The following KLF11 variants were observed in gnomAD, a reference collection of about 807,000 sequenced individuals.
KLF11 encodes Krueppel-like factor 11.
Under a neutral mutation model 29.9 loss-of-function variants are expected in KLF11, and 26 were observed. The ratio of observed to expected loss-of-function variants is 0.87; its 90% CI spans 0.64 to 1.21. The LOEUF is 1.21. KLF11 is among the 50% of genes most tolerant of loss of function. The pLI is 0.00. For missense variants in KLF11, 778 were observed against 665.7 expected, an observed-to-expected ratio of 1.17 and a Z score of -1.86; for synonymous variants, 318 against 257.4, an observed-to-expected ratio of 1.24 and a Z score of -2.25.
At chr2:10,043,827 G>A in intron 1 of KLF11, 69 bp downstream of exon 1, 17 of 1,295,534 alleles carry the variant, frequency 1.3e-5, no homozygotes, top group Non-Finnish European at 1.6e-5. Flanking sequence ...AAGTGGTGCG[G>A]CACTCGCGCG....
chr2:10,048,739 C>A, intron 3 of KLF11, 144 bp downstream of exon 3: 1 of 719,234 alleles, frequency 1.4e-6, no homozygotes, highest in Non-Finnish European at 2.5e-6. Flanking sequence ...CTGAAAAGCC[C>A]GCACAACCTT....
chr2:10,049,908 CT>C (rs1252145416), intron 3 of KLF11, among the ~76,000 whole-genome samples: 1 of 152,194 alleles, frequency 6.6e-6, no homozygotes, highest in Non-Finnish European at 1.5e-5. Flanking sequence ...CTGCCTGCCT[CT>C]TTTAATGGGC....
Position 10,046,420 on chromosome 2 carries a change from G to T in KLF11, c.312+1G>T. On this transcript the variant is annotated splice_donor_variant, in intron 2 of 3. Transcript: ENST00000305883. LOFTEE classifies it high-confidence loss of function. ...AGACTTCCATTCTTTATCGACTCTG[G>T]TAAGAGGAGGTGGGAGGGAGGAGCG... 1 of 1,613,698 alleles carries T rather than the reference G, an allele frequency of 6.2e-7. No homozygotes were observed. The highest frequency in any genetic ancestry group is 8.5e-7 in the Non-Finnish European group (1 of 1,180,042).
Position 10,047,565 on chromosome 2 carries a change from G to A in KLF11, c.313-85G>A. ...GTTAACTGAGTGTCTAGATGATTCT[G>A]TGTAAAGGTATTGGGAGCATTGTGA... On this transcript the variant is annotated intron_variant, in intron 2 of 3. Coordinates refer to ENST00000305883, the MANE Select transcript of KLF11 (RefSeq NM_003597.5). The A allele has an allele frequency of 3.5e-6, 4 of 1,155,176 alleles. No homozygotes were observed. The African/African-American group carries it at 6.1e-5, about 18-fold the overall frequency. 71.6% of individuals were successfully genotyped at this position (1,155,176 alleles called of 1,614,324 possible).
At chr2:10,044,357 G>A (rs1661111001) in intron 1 of KLF11, 2 of 985,546 alleles carry the variant, frequency 2.0e-6, no homozygotes, top group South Asian at 4.7e-5. Flanking sequence ...GTCGCGACCT[G>A]GGGGCTTCGG....
In KLF11 at chr2:10,045,440, T is replaced by G. The variant is rs574083176; in HGVS notation, c.43-710T>G. On this transcript the variant is annotated intron_variant, in intron 1 of 3. Transcript: ENST00000305883. ...CCAAGTGTGGTGGCGGGCACTGCAG[T>G]GAGCCGAGATTGTGCCACTGCACTC... Among the ~76,000 whole-genome samples the G allele has an allele frequency of 2.0e-5, 3 of 151,594 alleles. No individual in the cohort carries two copies. The South Asian group carries it at 6.3e-4, about 32-fold the overall frequency.
At chr2:10,045,791 C>T (rs927544195) in intron 1 of KLF11, among the ~76,000 whole-genome samples, 5 of 152,246 alleles carry the variant, frequency 3.3e-5, no homozygotes, top group African/African-American at 9.6e-5. Flanking sequence ...AGTGTTGGCT[C>T]CTCCTCCCTG....
rs372827624 is a variant in KLF11, at chr2:10,043,621, T to TGCC, written c.-80_-78dup. ...CGTGCCGGCCGCAGGAGCTCCGGGT[T>TGCC]GCCGCCGCCGCCGCCGCCCGCAGCC... On this transcript the variant is annotated 5_prime_UTR_variant, in exon 1 of 4. Transcript: ENST00000305883. 9,510 of 867,530 alleles carry TGCC rather than the reference T, an allele frequency of 0.011. 53 individuals are homozygous for TGCC. The highest frequency in any genetic ancestry group is 0.012 in the Non-Finnish European group (8,747 of 717,594). 53.7% of individuals were successfully genotyped at this position (867,530 alleles called of 1,614,324 possible). A position where few individuals can be genotyped will look rare whatever the true frequency, so the allele number is the denominator to read the frequency against.
Position 10,052,253 on chromosome 2 carries a change from G to A in KLF11, c.1285G>A (p.Asp429Asn). 1 of 1,614,132 alleles carries A rather than the reference G, an allele frequency of 6.2e-7. No individual in the cohort carries two copies. The highest frequency in any genetic ancestry group is 1.1e-5 in the South Asian group (1 of 91,076). ...TGEKPFNCSWDGCDKKFARSD... is the reference protein window; with the variant it reads ...TGEKPFNCSWNGCDKKFARSD... ...GGAGAAGCCTTTCAACTGCAGCTGGGATGGCTGTGATAAAAAGTTTGCTCG... is the reference window on the plus strand; with the variant it reads ...GGAGAAGCCTTTCAACTGCAGCTGGAATGGCTGTGATAAAAAGTTTGCTCG... The change falls in exon 4 of 4, where the codon GAT (aspartate) becomes AAT (asparagine). Residue 429 changes from aspartate to asparagine, a missense_variant. Transcript: ENST00000305883.
chr2:10,049,417 A>G (rs1661336881), intron 3 of KLF11, among the ~76,000 whole-genome samples: 1 of 152,180 alleles, frequency 6.6e-6, no homozygotes, highest in African/African-American at 2.4e-5. Flanking sequence ...TGTTGCTCTG[A>G]TCGTGGTAGC....
chr2:10,049,715 G>A (rs573099144), intron 3 of KLF11, among the ~76,000 whole-genome samples: 1 of 152,290 alleles, frequency 6.6e-6, no homozygotes, highest in South Asian at 2.1e-4. Flanking sequence ...TGACCCTAGT[G>A]GTTTATTGTA....
rs1333884392 is a variant in KLF11 at position 10,044,362 on chromosome 2, C to T, written c.42+604C>T. ...GGCCCTAAGCGTCGCGACCTGGGGG[C>T]TTCGGGGAGGTAGCCGTGGACGTGG... On this transcript the variant is annotated intron_variant, in intron 1 of 3. Transcript: ENST00000305883. 15 of 985,686 alleles carry T rather than the reference C, an allele frequency of 1.5e-5. No individual in the cohort carries two copies. The East Asian group carries it at 1.4e-3, about 89-fold the overall frequency. 61.1% of individuals were successfully genotyped at this position (985,686 alleles called of 1,614,324 possible). A position where few individuals can be genotyped will look rare whatever the true frequency, so the allele number is the denominator to read the frequency against.
Position 10,053,064 on chromosome 2 carries a change from G to T in KLF11, c.*557G>T, listed in dbSNP as rs1661455991. On this transcript the variant is annotated 3_prime_UTR_variant, in exon 4 of 4. Coordinates refer to ENST00000305883, the MANE Select transcript of KLF11 (RefSeq NM_003597.5). Reference sequence around the variant, plus strand: ...GGCCTTTTAGATCTTTTTGGAATCGGACCTGGTTGAGTAAGGACCTCTTAA... The same window carrying T: ...GGCCTTTTAGATCTTTTTGGAATCGTACCTGGTTGAGTAAGGACCTCTTAA... 2.5e-6 allele frequency: 1 copy of T among 395,126 alleles called. No homozygotes were observed. The highest frequency in any genetic ancestry group is 4.5e-6 in the Non-Finnish European group (1 of 224,580). The allele number at this position is 395,126 out of a possible 1,614,324, so 24.5% of individuals were successfully genotyped here. A position where few individuals can be genotyped will look rare whatever the true frequency, so the allele number is the denominator to read the frequency against.
At position 10,052,665 on chromosome 2, in the gene KLF11, C is replaced by T; in HGVS notation, c.*158C>T. 1 of 715,518 alleles carries T rather than the reference C, an allele frequency of 1.4e-6. No individual in the cohort carries two copies. Among genetic ancestry groups the T allele is most frequent in the Non-Finnish European group, 2.4e-6 (1 of 425,306 alleles). The allele number at this position is 715,518 out of a possible 1,614,324, so 44.3% of individuals were successfully genotyped here. On this transcript the variant is annotated 3_prime_UTR_variant, in exon 4 of 4. Transcript: ENST00000305883. ...TTTTGATGAAAGTATGTTAACTTTT[C>T]TTTTCCACTTGGGACCCTGTTCAGT...
At chr2:10,044,384 G>T in intron 1 of KLF11, 2 of 985,666 alleles carry the variant, frequency 2.0e-6, no homozygotes, top group Non-Finnish European at 2.4e-6. Flanking sequence ...AGCCGTGGAC[G>T]TGGGCAGAGC....
intron 1 of KLF11, among the ~76,000 whole-genome samples, chr2:10,044,726 G>A (rs995194950): frequency 4.7e-5 from 7 of 149,558 alleles, no homozygotes; most frequent in Admixed American, 6.7e-5. Flanking sequence ...TCGGCCCACT[G>A]TAACCTCCCT....
chr2:10,048,509 G>A lies in KLF11; in HGVS notation c.1172G>A (p.Arg391Lys). ...NCVPQVDFSR[R>K]RNYVCSFPGC... ...GTCCCTCAGGTAGACTTTTCCCGAA[G>A]GAGGAACTATGTATGCAGCTTCCCA... The change falls in exon 3 of 4, where the codon AGG becomes AAG. Residue 391 changes from arginine (R) to lysine (K), a missense_variant. Arg to Lys is a conservative substitution (Grantham distance 26). Coordinates refer to ENST00000305883, the MANE Select transcript of KLF11 (RefSeq NM_003597.5). The A allele has an allele frequency of 6.2e-7, 1 of 1,613,710 alleles. No homozygotes were observed.
Position 10,052,458 on chromosome 2 carries a change from C to T in KLF11, c.1490C>T (p.Ser497Phe). The part of the protein sequence containing the change: ...AEVGKLNRIA[S>F]AESPGSPLVS... ...GTTGGCAAGCTGAACAGAATCGCCT[C>T]TGCAGAGAGCCCGGGGAGCCCACTG... Residue 497 changes from serine to phenylalanine, a missense_variant, in exon 4 of 4, where the codon TCT becomes TTT. Physicochemically the swap from Ser to Phe is radical, Grantham distance 155. Transcript: ENST00000305883. 1.2e-6 allele frequency: 2 copies of T among 1,614,130 alleles called. No individual in the cohort carries two copies. Among genetic ancestry groups the T allele is most frequent in the Non-Finnish European group, 1.7e-6 (2 of 1,180,020 alleles).
chr2:10,052,144 A>T (rs576887282), intron 3 of KLF11, 83 bp from the exon 4 acceptor site: 1 of 1,397,080 alleles, frequency 7.2e-7, no homozygotes, highest in South Asian at 1.2e-5. Context: ...GATGAACACG[A>T]TTTTAAAATG....
Sources: allele counts gnomAD v4.1 joint callset (sites outside exome capture counted in the v4.1 genomes callset), GRCh38; gene constraint gnomAD v4.1.1; transcripts MANE v1.5; gene names NCBI Gene and HGNC (gene_info 2026-07-23, HGNC 2026-07-21).